Variants in CUL1 observed in about 807,000 individuals in gnomAD.
The protein encoded by CUL1 is cullin 1, also known as cullin-1.
Under a neutral mutation model 118.0 loss-of-function variants are expected in CUL1, and 24 were observed. That is an observed-to-expected ratio of 0.20 (90% CI 0.15 to 0.29). The LOEUF is 0.29. Among genes scored for constraint, CUL1 ranks in the 10% least tolerant of loss-of-function variants. The pLI is 1.00. For missense variants in CUL1, 361 were observed against 933.8 expected, an observed-to-expected ratio of 0.39 and a Z score of 7.99; for synonymous variants, 332 against 340.4, an observed-to-expected ratio of 0.98 and a Z score of 0.27.
chr7:148,729,752 C>T (rs17171097), intron 1 of CUL1, among the ~76,000 whole-genome samples: 1,594 of 152,284 alleles, frequency 0.01, 25 homozygotes, highest in African/African-American at 0.036. Flanking sequence ...CCCAGGTTTT[C>T]TCTTGAGTGC....
In CUL1 at chr7:148,718,819, A is replaced by T. The variant is rs368668849; in HGVS notation, c.-161-11143A>T. Among the ~76,000 whole-genome samples the T allele has an allele frequency of 1.7e-3, 265 of 152,294 alleles. 1 individual carries two copies. The highest frequency in any genetic ancestry group is 6.0e-3 in the African/African-American group (251 of 41,550). The stretch of plus-strand genomic sequence containing the variant: ...TTTTTAATGCCGCAGATGTTTAATT[A>T]TTAGCTTTGGGTAACAACAGGAACC... On this transcript the variant is annotated intron_variant, in intron 1 of 21. Transcript: ENST00000325222.
At chr7:148,754,215 C>G (rs1799586275) in intron 3 of CUL1, 65 bp downstream of exon 3, 1 of 1,085,322 alleles carries the variant, frequency 9.2e-7, no homozygotes, top group Non-Finnish European at 1.3e-6. Flanking sequence ...AATAATGGTT[C>G]TAACTTGTTA....
intron 9 of CUL1, among the ~76,000 whole-genome samples, chr7:148,769,488 G>A (rs919830052): frequency 1.4e-5 from 2 of 148,128 alleles, no homozygotes; most frequent in East Asian, 2.0e-4. Context: ...GGGTCAATTC[G>A]GTGAAGACAT....
chr7:148,748,127 A>G (rs2129460150), intron 2 of CUL1, among the ~76,000 whole-genome samples: 1 of 152,348 alleles, frequency 6.6e-6, no homozygotes, highest in East Asian at 1.9e-4. Context: ...GTAGAAGGGG[A>G]AAGGGAGGAA....
Position 148,788,583 on chromosome 7 carries a change from T to C in CUL1, c.1506T>C (p.Ser502=). ...LKQACGFEYT[S]KLQRMFQDIG... ...AAGCTTGCGGGTTCGAGTACACCTC[T>C]AAACTTCAGCGCATGTTTCAAGACA... The change falls in exon 14 of 22, where the codon TCT becomes TCC. Residue 502 remains serine, a synonymous_variant. Coordinates refer to ENST00000325222, the MANE Select transcript of CUL1 (RefSeq NM_003592.3). The C allele has an allele frequency of 6.2e-7, 1 of 1,614,104 alleles. No individual in the cohort carries two copies. Among genetic ancestry groups the C allele is most frequent in the Non-Finnish European group, 8.5e-7 (1 of 1,179,982 alleles).
intron 1 of CUL1, among the ~76,000 whole-genome samples, chr7:148,723,674 AG>A (rs1798468760): frequency 6.6e-6 from 1 of 151,276 alleles, no homozygotes; most frequent in South Asian, 2.1e-4. Flanking sequence ...AAAAAAAAAA[AG>A]AGGTATATTT....
At chr7:148,718,977 C>G (rs1296533195) in intron 1 of CUL1, among the ~76,000 whole-genome samples, 1 of 152,124 alleles carries the variant, frequency 6.6e-6, no homozygotes, top group African/African-American at 2.4e-5. Flanking sequence ...AGCCAGTGGA[C>G]TTAAAGGTTT....
intron 2 of CUL1, among the ~76,000 whole-genome samples, chr7:148,746,367 T>TG (rs1430991439): frequency 2.6e-5 from 4 of 151,502 alleles, no homozygotes; most frequent in African/African-American, 7.4e-5. Context: ...AGTGCACACT[T>TG]GCGTGCAGCC....
intron 7 of CUL1, among the ~76,000 whole-genome samples, chr7:148,764,618 G>GA (rs1799945601): frequency 6.6e-6 from 1 of 152,320 alleles, no homozygotes; most frequent in Non-Finnish European, 1.5e-5. Flanking sequence ...GTTCTTCCAA[G>GA]AAAGAGTTAT....
chr7:148,730,739 C>T (rs1398602711), intron 2 of CUL1, among the ~76,000 whole-genome samples: 1 of 152,134 alleles, frequency 6.6e-6, no homozygotes, highest in African/African-American at 2.4e-5. Context: ...TACTACCTGC[C>T]CTTTTACAGG....
chr7:148,789,778 C>T lies in CUL1; in HGVS notation c.1626C>T (p.Ser542=), dbSNP rs201164188. The T allele has an allele frequency of 1.9e-5, 30 of 1,614,068 alleles. No homozygotes were observed. The highest frequency in any genetic ancestry group is 1.5e-4 in the African/African-American group (11 of 74,928). The change falls in exon 15 of 22, where the codon TCC becomes TCT. Residue 542 remains serine (S), a synonymous_variant. Coordinates refer to ENST00000325222, the MANE Select transcript of CUL1 (RefSeq NM_003592.3). ...DLDFSIQVLS[S]GSWPFQQSCT... The stretch of plus-strand genomic sequence containing the variant: ...ATTTCAGCATTCAAGTGCTGAGCTC[C>T]GGGTCCTGGCCCTTCCAGCAGTCTT...
At chr7:148,733,470 G>A (rs754871871) in intron 2 of CUL1, among the ~76,000 whole-genome samples, 14 of 152,208 alleles carry the variant, frequency 9.2e-5, no homozygotes, top group Non-Finnish European at 1.6e-4. Context: ...TTGCGTATAT[G>A]TTGCCATTAT....
In CUL1 at chr7:148,778,070, C is replaced by CAAAAAAAAAAAAAAAAAA. The variant is rs1203417069; in HGVS notation, c.1084-5703_1084-5686dup. Among the ~76,000 whole-genome samples, 29 of 13,782 alleles carry CAAAAAAAAAAAAAAAAAA rather than the reference C, an allele frequency of 2.1e-3. 2 individuals are homozygous for CAAAAAAAAAAAAAAAAAA. Among genetic ancestry groups the CAAAAAAAAAAAAAAAAAA allele is most frequent in the African/African-American group, 2.7e-3 (12 of 4,436 alleles). 9.0% of individuals were successfully genotyped at this position (13,782 alleles called of 152,430 possible). ...AGGGTGACAGAAGAAGACCCTGTCT[C>CAAAAAAAAAAAAAAAAAA]AAAAAAAAAAAAAAAAAAAAAAAAA... On this transcript the variant is annotated intron_variant, in intron 9 of 21. Transcript: ENST00000325222.
At chr7:148,726,236 A>C (rs912740973) in intron 1 of CUL1, among the ~76,000 whole-genome samples, 3 of 152,228 alleles carry the variant, frequency 2.0e-5, no homozygotes, top group African/African-American at 4.8e-5. Flanking sequence ...ATGCTGAGAC[A>C]GGAGAATGGA....
In CUL1 at chr7:148,759,156, T is replaced by G. The variant is rs1584796140; in HGVS notation, c.484-148T>G. The G allele has an allele frequency of 5.8e-6, 4 of 684,126 alleles. No homozygotes were observed. The East Asian group carries it at 1.1e-4, about 18-fold the overall frequency. 42.4% of individuals were successfully genotyped at this position (684,126 alleles called of 1,614,324 possible). ...GAAGTTGTTGACTCTAGAGAGTGGCTTTCTGCTTTTGTCCTGATAGCAGAT... is the reference window on the plus strand; with the variant it reads ...GAAGTTGTTGACTCTAGAGAGTGGCGTTCTGCTTTTGTCCTGATAGCAGAT... On this transcript the variant is annotated intron_variant, in intron 4 of 21. Transcript: ENST00000325222.
chr7:148,781,226 G>A (rs1236958575), intron 9 of CUL1, among the ~76,000 whole-genome samples: 2 of 151,600 alleles, frequency 1.3e-5, no homozygotes, highest in Admixed American at 6.6e-5. Flanking sequence ...GATTATAGGC[G>A]CCTGCCACCA....
chr7:148,762,546 T>G lies in CUL1; in HGVS notation c.789+2050T>G, dbSNP rs772329425. ...CCTAACAAATGAACTTTTGAAACAG[T>G]CTGTTTTAAACGTTAACATTGCCTG... On this transcript the variant is annotated intron_variant, in intron 7 of 21. Coordinates refer to ENST00000325222, the MANE Select transcript of CUL1 (RefSeq NM_003592.3). 5.8e-4 allele frequency among the ~76,000 whole-genome samples: 89 copies of G among 152,252 alleles called. 1 individual carries two copies. Among genetic ancestry groups the G allele is most frequent in the Middle Eastern group, 3.2e-3 (1 of 316 alleles).
chr7:148,767,538 ATC>A, intron 8 of CUL1, 79 bp from the exon 9 acceptor site: 1 of 1,250,192 alleles, frequency 8.0e-7, no homozygotes, highest in East Asian at 2.3e-5. Flanking sequence ...AGTATTTTTC[ATC>A]TCAGTATAAA....
intron 5 of CUL1, 82 bp downstream of exon 5, chr7:148,759,436 T>C: frequency 6.7e-7 from 1 of 1,491,024 alleles, no homozygotes; most frequent in Non-Finnish European, 9.4e-7. Context: ...TCGTCACTCC[T>C]TCGGATTATC....
Sources: allele counts gnomAD v4.1 joint callset (sites outside exome capture counted in the v4.1 genomes callset), GRCh38; gene constraint gnomAD v4.1.1; transcripts MANE v1.5; gene names NCBI Gene and HGNC (gene_info 2026-07-23, HGNC 2026-07-21).